The following ROBO2 variants were observed in gnomAD, a reference collection of about 807,000 sequenced individuals.
ROBO2 encodes roundabout homolog 2.
A neutral mutation model predicts 160.8 loss-of-function variants in ROBO2; 53 were observed. The ratio of observed to expected loss-of-function variants is 0.33; its 90% CI spans 0.26 to 0.41. The LOEUF (loss-of-function observed/expected upper bound fraction) is 0.41. Among genes scored for constraint, ROBO2 ranks in the 10% least tolerant of loss-of-function variants. The pLI, the probability that ROBO2 is intolerant of heterozygous loss-of-function variation, is 1.00. For synonymous variants in ROBO2, 664 were observed against 611.7 expected (o/e 1.09, Z -1.26); for missense variants, 1,577 against 1,722.4 (o/e 0.92, Z 1.49).
intron 2 of ROBO2, among the ~76,000 whole-genome samples, chr3:75,958,977 G>C (rs1269793426): frequency 2.0e-5 from 3 of 151,736 alleles, no homozygotes; most frequent in Non-Finnish European, 4.4e-5. Flanking sequence ...CGGCTGTCAA[G>C]CCATGCTTTG....
intron 24 of ROBO2, among the ~76,000 whole-genome samples, chr3:77,641,731 C>A (rs1459342447): frequency 6.6e-6 from 1 of 151,916 alleles, no homozygotes; most frequent in Non-Finnish European, 1.5e-5. Flanking sequence ...ATTTCAAAAT[C>A]TTCAGCAAAG....
Position 76,210,385 on chromosome 3 carries a change from G to C in ROBO2, c.109+272783G>C, listed in dbSNP as rs372249432. On this transcript the variant is annotated intron_variant, in intron 2 of 26. Coordinates refer to the ROBO2 transcript ENST00000487694. ...TCTGAAAAAGAATATTATACACACA[G>C]CATTTTAAAATTATTGAGCCATAAT... 6.0e-4 allele frequency among the ~76,000 whole-genome samples: 92 copies of C among 152,078 alleles called. No homozygotes were observed. The South Asian group carries it at 0.018, about 30-fold the overall frequency.
intron 2 of ROBO2, among the ~76,000 whole-genome samples, chr3:76,615,761 T>C (rs2088531741): frequency 6.6e-6 from 1 of 152,186 alleles, no homozygotes; most frequent in Non-Finnish European, 1.5e-5. Flanking sequence ...TTATTAATGA[T>C]AAAAACAATA....
chr3:77,153,569 A>T (rs888297914), intron 2 of ROBO2, among the ~76,000 whole-genome samples: 1 of 152,150 alleles, frequency 6.6e-6, no homozygotes, highest in African/African-American at 2.4e-5. Flanking sequence ...ATTTTGCCAC[A>T]GTTGACTTCC....
At chr3:76,217,850 A>G (rs1703666246) in intron 2 of ROBO2, among the ~76,000 whole-genome samples, 1 of 152,140 alleles carries the variant, frequency 6.6e-6, no homozygotes, top group African/African-American at 2.4e-5. Flanking sequence ...CCTGACAGAG[A>G]CACAACAAAA....
At chr3:76,935,587 A>C (rs1039794518) in intron 2 of ROBO2, among the ~76,000 whole-genome samples, 2 of 143,528 alleles carry the variant, frequency 1.4e-5, no homozygotes, top group African/African-American at 5.2e-5. Context: ...GTATGTAAAC[A>C]ACAAACATTT....
At chr3:76,264,889 C>T (rs916926231) in intron 2 of ROBO2, among the ~76,000 whole-genome samples, 2 of 152,170 alleles carry the variant, frequency 1.3e-5, no homozygotes, top group African/African-American at 4.8e-5. Flanking sequence ...TTGTTGCCAC[C>T]TCACTTGCCT....
chr3:76,650,720 G>A (rs1222471494), intron 2 of ROBO2, among the ~76,000 whole-genome samples: 3 of 152,022 alleles, frequency 2.0e-5, no homozygotes, highest in African/African-American at 4.8e-5. Context: ...TTCAAACTGT[G>A]TCTAAGCAGA....
intron 2 of ROBO2, among the ~76,000 whole-genome samples, chr3:77,150,294 A>G (rs1218986885): frequency 6.6e-6 from 1 of 152,192 alleles, no homozygotes; most frequent in Non-Finnish European, 1.5e-5. Context: ...ATGCATGCAT[A>G]TTAGTCAAGG....
At chr3:77,239,900 G>C (rs554969188) in intron 2 of ROBO2, among the ~76,000 whole-genome samples, 4 of 151,886 alleles carry the variant, frequency 2.6e-5, no homozygotes, top group Non-Finnish European at 4.4e-5. Context: ...AGCTAGATAC[G>C]GAGGGCTGAT....
At chr3:76,240,442 G>A (rs888723755) in intron 2 of ROBO2, among the ~76,000 whole-genome samples, 2 of 152,096 alleles carry the variant, frequency 1.3e-5, no homozygotes, top group African/African-American at 2.4e-5. Flanking sequence ...TTCAAAAATA[G>A]TTTCAGTGGG....
intron 1 of ROBO2, among the ~76,000 whole-genome samples, chr3:77,095,010 T>A (rs1193419562): frequency 6.6e-6 from 1 of 152,180 alleles, no homozygotes; most frequent in Non-Finnish European, 1.5e-5. Context: ...CACAAGTATT[T>A]AAAAATTTTA....
chr3:76,345,906 T>G (rs1344073706), intron 2 of ROBO2, among the ~76,000 whole-genome samples: 1 of 152,170 alleles, frequency 6.6e-6, no homozygotes, highest in Non-Finnish European at 1.5e-5. Flanking sequence ...AGGTATTTTA[T>G]TATTTTAAAT....
intron 2 of ROBO2, among the ~76,000 whole-genome samples, chr3:77,175,889 C>T (rs1044037060): frequency 3.9e-5 from 6 of 151,902 alleles, no homozygotes; most frequent in Non-Finnish European, 8.8e-5. Context: ...GTTTTGGAAA[C>T]GTCATTCTGT....
At chr3:77,548,199 G>A (rs141776818) in intron 7 of ROBO2, among the ~76,000 whole-genome samples, 2 of 151,604 alleles carry the variant, frequency 1.3e-5, no homozygotes, top group African/African-American at 4.8e-5. Flanking sequence ...TCAAAATCCA[G>A]TTTCCTCCTT....
At chr3:76,171,844 A>C (rs1265743137) in intron 2 of ROBO2, among the ~76,000 whole-genome samples, 1 of 152,142 alleles carries the variant, frequency 6.6e-6, no homozygotes, top group Non-Finnish European at 1.5e-5. Context: ...ACTCAGCAAA[A>C]GGGGATTTTA....
At chr3:76,568,040 C>G (rs929499269) in intron 2 of ROBO2, among the ~76,000 whole-genome samples, 2 of 151,338 alleles carry the variant, frequency 1.3e-5, no homozygotes, top group African/African-American at 4.9e-5. Context: ...GTCTCAAACT[C>G]CCGGGCTCAA....
At chr3:76,902,603 C>T (rs1292807932) in intron 2 of ROBO2, among the ~76,000 whole-genome samples, 1 of 152,002 alleles carries the variant, frequency 6.6e-6, no homozygotes, top group Admixed American at 6.6e-5. Context: ...TAGTGTTCTT[C>T]AGCTAGATTC....
chr3:77,277,160 CTTT>C (rs2059899036), intron 2 of ROBO2, among the ~76,000 whole-genome samples: 6 of 75,374 alleles, frequency 8.0e-5, no homozygotes, highest in Admixed American at 2.9e-4. Context: ...TTCTTTCCTT[CTTT>C]CTTTCTTTCT....
Sources: allele counts gnomAD v4.1 joint callset (sites outside exome capture counted in the v4.1 genomes callset), GRCh38; gene constraint gnomAD v4.1.1; transcripts MANE v1.5; gene names NCBI Gene and HGNC (gene_info 2026-07-23, HGNC 2026-07-21).